Variants in ZNF560 observed in about 807,000 individuals in gnomAD.
The protein encoded by ZNF560 is zinc finger protein 560.
A neutral mutation model predicts 81.8 loss-of-function variants in ZNF560; 54 were observed. That is an observed-to-expected ratio of 0.66 (90% CI 0.53 to 0.83). The LOEUF is 0.83. Ranked by LOEUF, ZNF560 falls within the 40% of genes least tolerant of loss-of-function variation. The pLI, the probability that ZNF560 is intolerant of heterozygous loss-of-function variation, is 0.00. For synonymous variants in ZNF560, 321 were observed against 317.9 expected (o/e 1.01, Z -0.10); for missense variants, 940 against 932.4 (o/e 1.01, Z -0.11).
chr19:9,493,254 C>T (rs1299497418), intron 2 of ZNF560, among the ~76,000 whole-genome samples: 1 of 151,838 alleles, frequency 6.6e-6, no homozygotes, highest in African/African-American at 2.4e-5. Flanking sequence ...CTGATTCTGG[C>T]TGAGGGCAAG....
chr19:9,491,910 T>C (rs924974702), intron 2 of ZNF560, among the ~76,000 whole-genome samples: 1 of 131,658 alleles, frequency 7.6e-6, no homozygotes, highest in Non-Finnish European at 1.6e-5. Context: ...ATGCAGCTAA[T>C]GCTACTGCTA....
chr19:9,466,456 T>C lies in ZNF560; in HGVS notation c.*118A>G. 1.1e-6 allele frequency: 1 copy of C among 930,922 alleles called. No individual in the cohort carries two copies. The highest frequency in any genetic ancestry group is 1.6e-6 in the Non-Finnish European group (1 of 618,186). The allele number at this position is 930,922 out of a possible 1,614,324, so 57.7% of individuals were successfully genotyped here. ...TCTAGAAAGATTCAACTGTTCAGGCTTTCTCACATTCCTTACATTGATAGT... is the reference window on the plus strand; with the variant it reads ...TCTAGAAAGATTCAACTGTTCAGGCCTTCTCACATTCCTTACATTGATAGT... On this transcript the variant is annotated 3_prime_UTR_variant, in exon 10 of 10. Coordinates refer to ENST00000301480, the MANE Select transcript of ZNF560 (RefSeq NM_152476.3).
chr19:9,452,116 ACAGG>A, the ZNF560 span, among the ~76,000 whole-genome samples: 5 of 152,230 alleles, frequency 3.3e-5, no homozygotes, highest in Admixed American at 2.0e-4. Flanking sequence ...AAGAACATAA[ACAGG>A]CAGTTCTCAA....
At chr19:9,476,354 G>A (rs376264927) in intron 2 of ZNF560, among the ~76,000 whole-genome samples, 7 of 151,920 alleles carry the variant, frequency 4.6e-5, no homozygotes, top group East Asian at 1.9e-4. Context: ...GTGCAATGGC[G>A]AGATCTTGGC....
At chr19:9,460,058 A>G in the ZNF560 span, among the ~76,000 whole-genome samples, 3 of 152,162 alleles carry the variant, frequency 2.0e-5, no homozygotes, top group Non-Finnish European at 2.9e-5. Context: ...AAATAATAAC[A>G]TGGGGCAGAG....
At chr19:9,475,422 C>T (rs935663100) in intron 2 of ZNF560, 53 bp from the exon 3 acceptor site, 22 of 1,037,018 alleles carry the variant, frequency 2.1e-5, no homozygotes, top group Admixed American at 7.0e-5. Flanking sequence ...TTCCAACATT[C>T]GCATGCATGG....
Position 9,469,714 on chromosome 19 carries a change from T to C in ZNF560, c.449-4A>G. ...CTGGGTTTGAAGAGCTGGTAACCTG[T>C]ACACAGGGAAAGATACACCAATGGA... On this transcript the variant is annotated splice_region_variant and splice_polypyrimidine_tract_variant and intron_variant, in intron 7 of 9. Transcript: ENST00000301480. 1 of 1,614,040 alleles carries C rather than the reference T, an allele frequency of 6.2e-7. No homozygotes were observed.
chr19:9,471,216 C>G, intron 6 of ZNF560, 80 bp downstream of exon 6: 1 of 1,073,496 alleles, frequency 9.3e-7, no homozygotes, highest in Admixed American at 2.5e-5. Context: ...TCTCAATTAT[C>G]TTTTGTGCTT....
upstream of ZNF560, among the ~76,000 whole-genome samples, chr19:9,503,520 AT>A (rs916644647): frequency 2.0e-5 from 3 of 152,112 alleles, no homozygotes; most frequent in African/African-American, 7.2e-5. Flanking sequence ...TGGGCCTCTC[AT>A]TTTAAAATTA....
Position 9,469,673 on chromosome 19 carries a change from C to T in ZNF560, c.486G>A (p.Leu162=). ...GTGTGCTCAACTCTTCCTCTTCCTC[C>T]AGCCAAGAGATCAGACTGGGTTTGA... ...QLFKPSLISW[L]EEEEELSTLP... is the part of the protein sequence containing the mutation. The change falls in exon 8 of 10, where the codon CTG becomes CTA. Residue 162 remains leucine, a synonymous_variant. Coordinates refer to ENST00000301480, the MANE Select transcript of ZNF560 (RefSeq NM_152476.3). 1 of 1,614,180 alleles carries T rather than the reference C, an allele frequency of 6.2e-7. No individual in the cohort carries two copies. Among genetic ancestry groups the T allele is most frequent in the South Asian group, 1.1e-5 (1 of 91,082 alleles).
chr19:9,505,584 A>G, the ZNF560 span, among the ~76,000 whole-genome samples: 3 of 152,152 alleles, frequency 2.0e-5, no homozygotes, highest in Non-Finnish European at 4.4e-5. Context: ...AATGTCTTAT[A>G]CTTTTAGCTC....
At chr19:9,447,912 C>T in the ZNF560 span, among the ~76,000 whole-genome samples, 2 of 152,168 alleles carry the variant, frequency 1.3e-5, no homozygotes, top group Non-Finnish European at 2.9e-5. Flanking sequence ...GACATACAGT[C>T]ACCAGCCTAA....
upstream of ZNF560, among the ~76,000 whole-genome samples, chr19:9,500,620 C>T (rs2073625812): frequency 6.6e-6 from 1 of 151,830 alleles, no homozygotes; most frequent in Admixed American, 6.6e-5. Flanking sequence ...GTCACCCAGG[C>T]TGGAGTGCAG....
chr19:9,494,540 G>A (rs1174122628), intron 2 of ZNF560, among the ~76,000 whole-genome samples: 3 of 152,130 alleles, frequency 2.0e-5, no homozygotes, highest in African/African-American at 7.2e-5. Flanking sequence ...TTCGAGACCA[G>A]CCTACCCAAC....
chr19:9,477,306 A>G (rs1323963002), intron 2 of ZNF560, among the ~76,000 whole-genome samples: 1 of 152,146 alleles, frequency 6.6e-6, no homozygotes, highest in African/African-American at 2.4e-5. Context: ...GACTCTTCTA[A>G]TATCATCTAC....
At chr19:9,448,570 G>A in the ZNF560 span, among the ~76,000 whole-genome samples, 1 of 151,682 alleles carries the variant, frequency 6.6e-6, no homozygotes, top group African/African-American at 2.4e-5. Flanking sequence ...ACGAAAGAAT[G>A]ATACCTGCTA....
downstream of ZNF560, among the ~76,000 whole-genome samples, chr19:9,462,423 A>G (rs188579549): frequency 1.3e-5 from 2 of 152,316 alleles, no homozygotes; most frequent in East Asian, 3.9e-4. Flanking sequence ...TCTACAAACT[A>G]CAGAAACGAT....
At chr19:9,464,462 A>C (rs1361228556), downstream of ZNF560, among the ~76,000 whole-genome samples, 1 of 152,288 alleles carries the variant, frequency 6.6e-6, no homozygotes, top group East Asian at 1.9e-4. Context: ...CGGCCATGAA[A>C]TCACGGTATC....
chr19:9,464,172 C>T (rs2072978904), downstream of ZNF560, among the ~76,000 whole-genome samples: 1 of 152,096 alleles, frequency 6.6e-6, no homozygotes, highest in Admixed American at 6.5e-5. Flanking sequence ...TATTCCAGGG[C>T]CATGTTCAGG....
Sources: allele counts gnomAD v4.1 joint callset (sites outside exome capture counted in the v4.1 genomes callset), GRCh38; gene constraint gnomAD v4.1.1; transcripts MANE v1.5; gene names NCBI Gene and HGNC (gene_info 2026-07-23, HGNC 2026-07-21).